Variants in MBOAT2 observed in about 807,000 individuals in gnomAD.
MBOAT2 encodes membrane-bound glycerophospholipid O-acyltransferase 2.
A neutral mutation model predicts 63.4 loss-of-function variants in MBOAT2; 28 were observed. The ratio of observed to expected loss-of-function variants is 0.44; its 90% CI spans 0.33 to 0.61. The LOEUF (loss-of-function observed/expected upper bound fraction) is 0.61, where lower values mean the gene tolerates loss of function less well. Ranked by LOEUF, MBOAT2 falls within the 20% of genes least tolerant of loss-of-function variation. The pLI is 0.03. For missense variants in MBOAT2, 470 were observed against 605.8 expected (o/e 0.78, Z 2.35); for synonymous variants, 211 against 215.6 (o/e 0.98, Z 0.19).
At chr2:8,918,444 T>C (rs1219584268) in intron 3 of MBOAT2, among the ~76,000 whole-genome samples, 2 of 152,066 alleles carry the variant, frequency 1.3e-5, no homozygotes, top group African/African-American at 4.8e-5. Flanking sequence ...AAGTCTGAAG[T>C]GTCAGAATTA....
chr2:8,888,232 T>C (rs150588919), intron 4 of MBOAT2, among the ~76,000 whole-genome samples, 159 bp from the exon 5 acceptor site: 3 of 152,318 alleles, frequency 2.0e-5, no homozygotes, highest in African/African-American at 4.8e-5. Flanking sequence ...ACTCAGAAGT[T>C]ATGTATTTGA....
At chr2:8,967,266 CT>C (rs1264550321) in intron 1 of MBOAT2, among the ~76,000 whole-genome samples, 1 of 152,202 alleles carries the variant, frequency 6.6e-6, no homozygotes, top group Non-Finnish European at 1.5e-5. Context: ...AATGTTTCTA[CT>C]TTTTGCCCAG....
chr2:8,922,761 C>T (rs72771522), intron 3 of MBOAT2, among the ~76,000 whole-genome samples: 1 of 152,356 alleles, frequency 6.6e-6, no homozygotes, highest in Non-Finnish European at 1.5e-5. Context: ...TGCTGAGATG[C>T]AGCCTCCATC....
intron 2 of MBOAT2, among the ~76,000 whole-genome samples, chr2:8,953,460 T>C (rs1406484325): frequency 6.6e-6 from 1 of 152,208 alleles, no homozygotes; most frequent in Non-Finnish European, 1.5e-5. Context: ...GTTTTCTGGA[T>C]TTCTTATATA....
rs769532172 is a variant in MBOAT2, at chr2:8,862,554, A to G, written c.1185+36T>C. 1.9e-6 allele frequency: 3 copies of G among 1,591,836 alleles called. No individual in the cohort carries two copies. The highest frequency in any genetic ancestry group is 2.6e-6 in the Non-Finnish European group (3 of 1,169,818). ...TCAGCCTTTTTAACAGTTCAAGTGG[A>G]CCATTGAATTGTAAAATAAAATTCT... On this transcript the variant is annotated intron_variant, in intron 11 of 12. Transcript: ENST00000305997. The surrounding 1 kb of genome is among the most constrained non-coding windows in gnomAD (Gnocchi z 4.3).
At chr2:8,961,197 A>G (rs548056963) in intron 1 of MBOAT2, among the ~76,000 whole-genome samples, 73 of 152,358 alleles carry the variant, frequency 4.8e-4, no homozygotes, top group African/African-American at 1.7e-3. Flanking sequence ...TCAATGTCCA[A>G]TAAAATCTGA....
At position 8,877,226 on chromosome 2, in the gene MBOAT2, G is replaced by A. The variant is rs1396585510; in HGVS notation, c.507-13C>T. ...GCTTGGCATGCGCCTGCAATGAAAA[G>A]ACATGCAACCAGTGAGATGCAGCAT... On this transcript the variant is annotated splice_polypyrimidine_tract_variant and intron_variant, in intron 6 of 12. Coordinates refer to ENST00000305997, the MANE Select transcript of MBOAT2 (RefSeq NM_138799.4). 1 of 1,607,034 alleles carries A rather than the reference G, an allele frequency of 6.2e-7. No individual in the cohort carries two copies. The highest frequency in any genetic ancestry group is 1.3e-5 in the African/African-American group (1 of 74,780).
At chr2:8,927,808 G>C (rs1410823939) in intron 3 of MBOAT2, among the ~76,000 whole-genome samples, 4 of 152,152 alleles carry the variant, frequency 2.6e-5, no homozygotes, top group Non-Finnish European at 5.9e-5. Flanking sequence ...AAATGTGGGT[G>C]GTCCTGTGGG....
chr2:8,915,071 T>C (rs1483229359), intron 3 of MBOAT2, among the ~76,000 whole-genome samples: 2 of 150,518 alleles, frequency 1.3e-5, no homozygotes, highest in African/African-American at 2.4e-5. Flanking sequence ...CCCGAGTAGC[T>C]GAGACTACAG....
chr2:8,871,239 C>T (rs140289032), intron 8 of MBOAT2, among the ~76,000 whole-genome samples: 1 of 152,236 alleles, frequency 6.6e-6, no homozygotes, highest in African/African-American at 2.4e-5. Context: ...TTCAAGTCAT[C>T]CTCCTTCCTC....
chr2:8,973,751 G>A (rs774810682), intron 1 of MBOAT2, among the ~76,000 whole-genome samples: 7 of 151,918 alleles, frequency 4.6e-5, no homozygotes, highest in African/African-American at 1.5e-4. Context: ...TACAAGAAAC[G>A]GAAATTAAAA....
intron 3 of MBOAT2, among the ~76,000 whole-genome samples, chr2:8,938,475 C>T (rs939113248): frequency 2.0e-5 from 3 of 152,124 alleles, no homozygotes; most frequent in Admixed American, 2.0e-4. Context: ...TTCATGCTGC[C>T]GTGTTTCATT....
chr2:8,950,163 G>C (rs934036004), intron 2 of MBOAT2, among the ~76,000 whole-genome samples: 12 of 151,904 alleles, frequency 7.9e-5, no homozygotes, highest in Admixed American at 2.6e-4. Flanking sequence ...TCTATACATC[G>C]ATCTTGTAGC....
At chr2:8,953,313 C>T (rs1389696386) in intron 2 of MBOAT2, among the ~76,000 whole-genome samples, 1 of 152,162 alleles carries the variant, frequency 6.6e-6, no homozygotes. Context: ...GTAAGGTTAG[C>T]CTGATGGGGT....
rs113401308 is a variant in MBOAT2, at chr2:8,921,888, T to C, written c.300-13172A>G. ...TATCCTACTTGAGGTCTGTTGAGCT[T>C]CTTGGATCCACAGATTAATGTTTTA... On this transcript the variant is annotated intron_variant, in intron 3 of 12. Transcript: ENST00000305997. 6.9e-3 allele frequency among the ~76,000 whole-genome samples: 1,052 copies of C among 152,326 alleles called. 12 individuals are homozygous for C. The highest frequency in any genetic ancestry group is 0.02 in the South Asian group (97 of 4,832).
At chr2:8,903,548 C>T (rs1206294785) in intron 4 of MBOAT2, among the ~76,000 whole-genome samples, 1 of 152,080 alleles carries the variant, frequency 6.6e-6, no homozygotes, top group Non-Finnish European at 1.5e-5. Flanking sequence ...CCAATCAGAA[C>T]GTTTTTGCCA....
In MBOAT2 at chr2:8,864,043, C is replaced by T. The variant is rs116043570; in HGVS notation, c.1052+127G>A. 6.1e-3 allele frequency: 3,815 copies of T among 627,746 alleles called. 15 individuals are homozygous for T. Among genetic ancestry groups the T allele is most frequent in the Non-Finnish European group, 8.8e-3 (3,263 of 372,806 alleles). 38.9% of individuals were successfully genotyped at this position (627,746 alleles called of 1,614,324 possible). On this transcript the variant is annotated intron_variant, in intron 10 of 12. Transcript: ENST00000305997. ...TTAGGAGGAGGCTAACAGTGTTTCC[C>T]GGCTGACACTGAGGTCACAATGTCA...
Position 8,915,000 on chromosome 2 carries a change from G to A in MBOAT2, c.300-6284C>T, listed in dbSNP as rs776841056. 5.9e-5 allele frequency among the ~76,000 whole-genome samples: 8 copies of A among 135,466 alleles called. No individual in the cohort carries two copies. In the East Asian group the frequency reaches 6.6e-4, roughly 11 times the overall value. The allele number at this position is 135,466 out of a possible 152,430, so 88.9% of individuals were successfully genotyped here. A position where few individuals can be genotyped will look rare whatever the true frequency, so the allele number is the denominator to read the frequency against. ...GTCACCCAGGCTGCAGTGCAGTGGC[G>A]CAATCTCGGCTCACTGCAACCTCCA... On this transcript the variant is annotated intron_variant, in intron 3 of 12. Coordinates refer to ENST00000305997, the MANE Select transcript of MBOAT2 (RefSeq NM_138799.4).
In MBOAT2 at chr2:8,862,407, T is replaced by TCTCC. The variant is rs1661557466; in HGVS notation, c.1185+182_1185+183insGGAG. 7.3e-7 allele frequency: 1 copy of TCTCC among 1,362,506 alleles called. No individual in the cohort carries two copies. The highest frequency in any genetic ancestry group is 1.4e-5 in the African/African-American group (1 of 69,098). 84.4% of individuals were successfully genotyped at this position (1,362,506 alleles called of 1,614,324 possible). On this transcript the variant is annotated intron_variant, in intron 11 of 12. Transcript: ENST00000305997. This position sits in a 1 kb window ranked among gnomAD's most constrained non-coding sequence, Gnocchi z 4.3. Reference sequence around the variant, plus strand: ...GTTTTCTCCTCACAGGAACTGGGCATGGAGCCTAGCCCGTGGTGAGCGCTC... The same window carrying TCTCC: ...GTTTTCTCCTCACAGGAACTGGGCATCTCCGGAGCCTAGCCCGTGGTGAGCGCTC...
Sources: gnomAD v4.1 joint callset for allele counts (sites outside exome capture counted in the v4.1 genomes callset) on GRCh38, gnomAD v4.1.1 for gene constraint, Gnocchi (gnomAD v3.1) non-coding constraint, MANE v1.5 for transcripts, NCBI Gene and HGNC (gene_info 2026-07-23, HGNC 2026-07-21) for gene names.